Variants in RPAP2 observed in about 807,000 individuals in gnomAD.
The protein encoded by RPAP2 is RNA polymerase II associated protein 2.
A neutral mutation model predicts 73.1 loss-of-function variants in RPAP2; 52 were observed. That is an observed-to-expected ratio of 0.71 (90% CI 0.57 to 0.90). The LOEUF (loss-of-function observed/expected upper bound fraction) is 0.90. RPAP2 is among the 40% of genes least tolerant of loss of function. RPAP2 has a pLI of 0.00. For synonymous variants in RPAP2, 225 were observed against 242.1 expected (o/e 0.93, Z 0.65); for missense variants, 598 against 701.8 (o/e 0.85, Z 1.67).
intron 11 of RPAP2, among the ~76,000 whole-genome samples, chr1:92,360,347 C>G (rs549593869): frequency 6.6e-6 from 1 of 152,200 alleles, no homozygotes; most frequent in African/African-American, 2.4e-5. Flanking sequence ...GGAGTGGAGA[C>G]CAGATTGCAA....
rs1474594615 is a variant in RPAP2 at position 92,300,852 on chromosome 1, A to T, written c.119+613A>T. Among the ~76,000 whole-genome samples the T allele has an allele frequency of 2.0e-5, 3 of 152,342 alleles. No individual in the cohort carries two copies. In the South Asian group the frequency reaches 6.2e-4, roughly 32 times the overall value. On this transcript the variant is annotated intron_variant, in intron 2 of 12. Coordinates refer to ENST00000610020, the MANE Select transcript of RPAP2 (RefSeq NM_024813.3). ...TGTGTTAGGCTCTGAAGATATGGTG[A>T]ACAGAATAGACACAGTTCTTGCCTA...
chr1:92,357,541 T>G (rs1053346955), intron 11 of RPAP2, among the ~76,000 whole-genome samples: 23 of 152,194 alleles, frequency 1.5e-4, no homozygotes, highest in Non-Finnish European at 1.2e-4. Context: ...GATGGATTTT[T>G]TTTGTTTGTT....
intron 8 of RPAP2, 98 bp downstream of exon 8, chr1:92,324,473 T>C: frequency 1.1e-6 from 1 of 925,018 alleles, no homozygotes; most frequent in East Asian, 2.6e-5. Context: ...GAGTTAATTG[T>C]TAAATTTTCA....
chr1:92,347,407 G>A (rs1653958892), intron 11 of RPAP2, among the ~76,000 whole-genome samples: 1 of 152,116 alleles, frequency 6.6e-6, no homozygotes, highest in Non-Finnish European at 1.5e-5. Context: ...CTGTAGTTCT[G>A]CAATTCATTA....
Position 92,387,909 on chromosome 1 carries a change from T to C in RPAP2, c.*898T>C, listed in dbSNP as rs565197040. ...TAGAATTGGCTACTGCCATACAATCTCTATGGGAAAGGACTGCAAAAACTA... is the reference window on the plus strand; with the variant it reads ...TAGAATTGGCTACTGCCATACAATCCCTATGGGAAAGGACTGCAAAAACTA... On this transcript the variant is annotated 3_prime_UTR_variant, in exon 13 of 13. Transcript: ENST00000610020. 3.3e-5 allele frequency: 5 copies of C among 152,290 alleles called. No homozygotes were observed. Among genetic ancestry groups the C allele is most frequent in the African/African-American group, 1.2e-4 (5 of 41,558 alleles). The allele number at this position is 152,290 out of a possible 1,614,324, so 9.4% of individuals were successfully genotyped here.
At position 92,402,013 on chromosome 1, in the gene RPAP2, T is replaced by A. The variant is rs1404858335; in HGVS notation, c.*15002T>A. 2 of 152,220 alleles carry A rather than the reference T, an allele frequency of 1.3e-5. No individual in the cohort carries two copies. The highest frequency in any genetic ancestry group is 2.9e-5 in the Non-Finnish European group (2 of 68,034). The allele number at this position is 152,220 out of a possible 1,614,324, so 9.4% of individuals were successfully genotyped here. A position where few individuals can be genotyped will look rare whatever the true frequency, so the allele number is the denominator to read the frequency against. On this transcript the variant is annotated 3_prime_UTR_variant, in exon 13 of 13. Coordinates refer to ENST00000610020, the MANE Select transcript of RPAP2 (RefSeq NM_024813.3). The stretch of plus-strand genomic sequence containing the variant: ...TTCTTGTAACATCTTTGTCTGGTTT[T>A]GAAATCAAAGTAATACTGGCCTAAT...
intron 8 of RPAP2, among the ~76,000 whole-genome samples, chr1:92,326,022 C>T (rs1361486219): frequency 1.3e-5 from 2 of 151,694 alleles, no homozygotes; most frequent in Admixed American, 6.6e-5. Flanking sequence ...TGCTAATATG[C>T]GTATGTATTT....
At chr1:92,299,364 C>G (rs12739168) in intron 1 of RPAP2, among the ~76,000 whole-genome samples, 24 of 152,174 alleles carry the variant, frequency 1.6e-4, no homozygotes, top group Non-Finnish European at 3.2e-4. Flanking sequence ...AGATTTCCCT[C>G]ACGCGGACTG....
intron 11 of RPAP2, among the ~76,000 whole-genome samples, chr1:92,380,308 CA>C (rs1655575777): frequency 6.6e-6 from 1 of 151,414 alleles, no homozygotes; most frequent in Non-Finnish European, 1.5e-5. Context: ...AAATTTCATT[CA>C]AAAGGTAATC....
intron 8 of RPAP2, among the ~76,000 whole-genome samples, chr1:92,331,686 G>A (rs1652977673): frequency 6.6e-6 from 1 of 152,010 alleles, no homozygotes; most frequent in South Asian, 2.1e-4. Flanking sequence ...TATATTGCAA[G>A]ATTATTTATA....
intron 8 of RPAP2, among the ~76,000 whole-genome samples, chr1:92,326,179 C>T (rs1652613265): frequency 6.6e-6 from 1 of 151,884 alleles, no homozygotes; most frequent in South Asian, 2.1e-4. Flanking sequence ...TCCATGTCCT[C>T]CCTGGTACTT....
intron 8 of RPAP2, among the ~76,000 whole-genome samples, chr1:92,328,582 C>A (rs887475168): frequency 6.6e-6 from 1 of 152,180 alleles, no homozygotes; most frequent in Non-Finnish European, 1.5e-5. Flanking sequence ...TTAAGTTGGG[C>A]CTCACCTTTC....
rs1432984146 is a variant in RPAP2, at chr1:92,387,102, T to A, written c.*91T>A. On this transcript the variant is annotated 3_prime_UTR_variant, in exon 13 of 13. Transcript: ENST00000610020. ...TGATGGTCTGGTGGTGACTGATAACTAGTTTTATTCCAAGACATACCTTTA... is the reference window on the plus strand; with the variant it reads ...TGATGGTCTGGTGGTGACTGATAACAAGTTTTATTCCAAGACATACCTTTA... The A allele has an allele frequency of 1.5e-6, 2 of 1,314,060 alleles. No individual in the cohort carries two copies. The highest frequency in any genetic ancestry group is 4.8e-5 in the East Asian group (2 of 41,858). 81.4% of individuals were successfully genotyped at this position (1,314,060 alleles called of 1,614,324 possible).
chr1:92,373,943 T>C (rs963456807), intron 11 of RPAP2, among the ~76,000 whole-genome samples: 58 of 151,994 alleles, frequency 3.8e-4, no homozygotes, highest in African/African-American at 1.3e-3. Flanking sequence ...TAAAGCTGTA[T>C]GTAATAGTAC....
At chr1:92,302,397 A>G (rs1255677772) in intron 3 of RPAP2, among the ~76,000 whole-genome samples, 2 of 151,510 alleles carry the variant, frequency 1.3e-5, no homozygotes, top group East Asian at 3.9e-4. Flanking sequence ...CAGTCTGCTA[A>G]TATCACTTGA....
chr1:92,317,573 A>G (rs759651401), intron 6 of RPAP2, among the ~76,000 whole-genome samples: 5 of 152,206 alleles, frequency 3.3e-5, no homozygotes, highest in Non-Finnish European at 7.3e-5. Flanking sequence ...GTGTAAAACC[A>G]TCTAGCAGAC....
chr1:92,334,253 T>C (rs567633277), intron 9 of RPAP2, among the ~76,000 whole-genome samples: 1 of 152,350 alleles, frequency 6.6e-6, no homozygotes, highest in East Asian at 1.9e-4. Flanking sequence ...AATTATGGTA[T>C]AGGAGTTTTT....
chr1:92,377,540 A>G (rs1489629031), intron 11 of RPAP2, among the ~76,000 whole-genome samples: 3 of 141,942 alleles, frequency 2.1e-5, no homozygotes, highest in Non-Finnish European at 4.6e-5. Context: ...AAAAAAAAAA[A>G]GAATTGGGTT....
chr1:92,347,768 ACTT>A (rs561583317), intron 11 of RPAP2, among the ~76,000 whole-genome samples: 325 of 152,256 alleles, frequency 2.1e-3, no homozygotes, highest in African/African-American at 7.4e-3. Flanking sequence ...GCACTGTTTG[ACTT>A]CTTTAACTTT....
Sources: gnomAD v4.1 joint callset for allele counts (sites outside exome capture counted in the v4.1 genomes callset) on GRCh38, gnomAD v4.1.1 for gene constraint, MANE v1.5 for transcripts, NCBI Gene and HGNC (gene_info 2026-07-23, HGNC 2026-07-21) for gene names.